The following HAO1 variants were observed in gnomAD, a reference collection of about 807,000 sequenced individuals.
HAO1 encodes hydroxyacid oxidase 1.
Under a neutral mutation model 39.7 loss-of-function variants are expected in HAO1, and 34 were observed. The ratio of observed to expected loss-of-function variants is 0.86; its 90% CI spans 0.65 to 1.14. The LOEUF (loss-of-function observed/expected upper bound fraction) is 1.14. Ranked by LOEUF, HAO1 falls within the 50% of genes most tolerant of loss-of-function variation. The probability of loss-of-function intolerance (pLI) is 0.00; values close to 1 mark genes in which losing one functional copy is unlikely to be tolerated. For missense variants in HAO1, 479 were observed against 464.5 expected (o/e 1.03, Z -0.29); for synonymous variants, 172 against 173.2 (o/e 0.99, Z 0.05).
In HAO1 at chr20:7,934,586, A is replaced by G. The variant is rs1187700434; in HGVS notation, c.187T>C (p.Ser63Pro). The G allele has an allele frequency of 1.2e-6, 2 of 1,609,558 alleles. No individual in the cohort carries two copies. Among genetic ancestry groups the G allele is most frequent in the Admixed American group, 1.7e-5 (1 of 59,994 alleles). ...ACCCTCTGTCCTAAAACAGAAGTCG[A>G]CAGATCTGTTTCAGCAACATTCCGG... ...MLRNVAETDL[S>P]TSVLGQRVSM... Residue 63 changes from serine (S) to proline (P), a missense_variant, in exon 2 of 8, where the codon TCG becomes CCG. Coordinates refer to ENST00000378789, the MANE Select transcript of HAO1 (RefSeq NM_017545.3).
At chr20:7,906,058 T>C (rs1022280403) in intron 4 of HAO1, 96 bp downstream of exon 4, 4 of 857,006 alleles carry the variant, frequency 4.7e-6, no homozygotes, top group Non-Finnish European at 7.8e-6. Context: ...AATTTCCATG[T>C]TAATTTTTCC....
intron 2 of HAO1, among the ~76,000 whole-genome samples, chr20:7,929,778 C>T (rs887180499): frequency 3.3e-5 from 5 of 152,076 alleles, no homozygotes; most frequent in Non-Finnish European, 7.4e-5. Context: ...GCAGGGGAAT[C>T]GCTTGAACCT....
At chr20:7,927,583 CT>C (rs2050365549) in intron 2 of HAO1, among the ~76,000 whole-genome samples, 1 of 152,074 alleles carries the variant, frequency 6.6e-6, no homozygotes, top group African/African-American at 2.4e-5. Context: ...TTTTTTTCCA[CT>C]TTAAAAGACT....
chr20:7,934,821 A>G (rs1358868328), intron 1 of HAO1, among the ~76,000 whole-genome samples, 186 bp from the exon 2 acceptor site: 1 of 152,224 alleles, frequency 6.6e-6, no homozygotes, highest in Non-Finnish European at 1.5e-5. Flanking sequence ...GTTAACAATT[A>G]GAGGATAATG....
intron 3 of HAO1, among the ~76,000 whole-genome samples, chr20:7,911,876 A>G (rs1157488142): frequency 6.6e-6 from 1 of 152,206 alleles, no homozygotes; most frequent in Non-Finnish European, 1.5e-5. Flanking sequence ...GCTATAACAG[A>G]TGAGCTTTTG....
chr20:7,939,684 C>T (rs1443821566), intron 1 of HAO1, among the ~76,000 whole-genome samples: 1 of 152,056 alleles, frequency 6.6e-6, no homozygotes, highest in Non-Finnish European at 1.5e-5. Flanking sequence ...ACCATGTCAC[C>T]CACCATCTTG....
At chr20:7,906,378 G>C (rs6055387) in intron 3 of HAO1, 49 bp from the exon 4 acceptor site, 432,700 of 1,007,936 alleles carry the variant, frequency 0.43, 108,322 homozygotes, top group East Asian at 0.99. Context: ...TTAGAAATAC[G>C]TTTCCAATGA....
At position 7,937,578 on chromosome 20, in the gene HAO1, A is replaced by G. The variant is rs577281587; in HGVS notation, c.137+2708T>C. On this transcript the variant is annotated intron_variant, in intron 1 of 7. Coordinates refer to ENST00000378789, the MANE Select transcript of HAO1 (RefSeq NM_017545.3). ...CAGTCTCAATAGGTAACGCAGCAGA[A>G]AAGAGTTTCCTTTTCTGAAATCATG... 1.1e-4 allele frequency among the ~76,000 whole-genome samples: 16 copies of G among 152,316 alleles called. No individual in the cohort carries two copies. In the East Asian group the frequency reaches 3.1e-3, roughly 29 times the overall value.
chr20:7,927,295 T>C (rs1448842966), intron 2 of HAO1, among the ~76,000 whole-genome samples: 1 of 152,186 alleles, frequency 6.6e-6, no homozygotes, highest in African/African-American at 2.4e-5. Flanking sequence ...GCATTTATGT[T>C]TATTATTGCT....
intron 2 of HAO1, among the ~76,000 whole-genome samples, chr20:7,931,203 T>C (rs1345954631): frequency 6.6e-6 from 1 of 152,154 alleles, no homozygotes; most frequent in Admixed American, 6.5e-5. Flanking sequence ...CCTTCTCCAA[T>C]TCCTCTGCAA....
rs949321787 is a variant in HAO1, at chr20:7,938,061, C to T, written c.137+2225G>A. On this transcript the variant is annotated intron_variant, in intron 1 of 7. Transcript: ENST00000378789. ...GCGAGATGGGGAGGTGTATAAATTTCATAAATGTGTTTGAAATACTCTGGC... is the reference window on the plus strand; with the variant it reads ...GCGAGATGGGGAGGTGTATAAATTTTATAAATGTGTTTGAAATACTCTGGC... Among the ~76,000 whole-genome samples, 5 of 152,134 alleles carry T rather than the reference C, an allele frequency of 3.3e-5. No homozygotes were observed. The East Asian group carries it at 7.7e-4, about 23-fold the overall frequency.
chr20:7,936,558 GC>G (rs2050413004), intron 1 of HAO1, among the ~76,000 whole-genome samples: 1 of 147,686 alleles, frequency 6.8e-6, no homozygotes, highest in Non-Finnish European at 1.5e-5. Flanking sequence ...TCGCGCGCGC[GC>G]GCGCGCGTGC....
Position 7,883,500 on chromosome 20 carries a change from A to G in HAO1, c.*93T>C, listed in dbSNP as rs987564971. On this transcript the variant is annotated 3_prime_UTR_variant, in exon 8 of 8. Coordinates refer to ENST00000378789, the MANE Select transcript of HAO1 (RefSeq NM_017545.3). ...GACACCCTTTGTATTGAAGTGGGGA[A>G]TTACAGACTGTGGTCACCCTCTGCA... The G allele has an allele frequency of 1.1e-6, 1 of 896,294 alleles. No homozygotes were observed. Among genetic ancestry groups the G allele is most frequent in the Non-Finnish European group, 1.9e-6 (1 of 527,974 alleles). 55.5% of individuals were successfully genotyped at this position (896,294 alleles called of 1,614,324 possible). A position where few individuals can be genotyped will look rare whatever the true frequency, so the allele number is the denominator to read the frequency against.
chr20:7,890,380 A>T (rs1339389777), intron 5 of HAO1, among the ~76,000 whole-genome samples: 1 of 151,900 alleles, frequency 6.6e-6, no homozygotes, highest in Non-Finnish European at 1.5e-5. Context: ...TGCCCGGCTA[A>T]TTTTTGTGTA....
intron 2 of HAO1, among the ~76,000 whole-genome samples, chr20:7,927,937 G>A (rs890839223): frequency 2.0e-5 from 3 of 152,124 alleles, no homozygotes; most frequent in Admixed American, 2.0e-4. Context: ...GTTGGAGAAA[G>A]TTTCTCAGGG....
chr20:7,892,818 A>T (rs1205829152), intron 5 of HAO1, among the ~76,000 whole-genome samples: 6 of 152,158 alleles, frequency 3.9e-5, no homozygotes, highest in Admixed American at 3.9e-4. Context: ...CTTAGTAAAT[A>T]TGCATAGATA....
chr20:7,887,356 G>C (rs567681003), intron 5 of HAO1, among the ~76,000 whole-genome samples: 2 of 152,226 alleles, frequency 1.3e-5, no homozygotes, highest in East Asian at 3.9e-4. Flanking sequence ...ATCACTCAGA[G>C]GTTATCCCAC....
Position 7,940,315 on chromosome 20 carries a change from A to ATATTT in HAO1, c.107_108insAAATA (p.Leu37AsnfsTer33). 1 of 1,606,810 alleles carries ATATTT rather than the reference A, an allele frequency of 6.2e-7. No individual in the cohort carries two copies. The highest frequency in any genetic ancestry group is 2.2e-5 in the East Asian group (1 of 44,798). On this transcript the variant is annotated frameshift_variant, in exon 1 of 8. Transcript: ENST00000378789. LOFTEE classifies it high-confidence loss of function. ...AAAATGCTGCAATATTATCAGCCAA[A>ATATTT]GTTTCTTCATCATTTGCCCCAGACC...
intron 5 of HAO1, among the ~76,000 whole-genome samples, chr20:7,888,082 G>A (rs544659926): frequency 3.0e-4 from 45 of 151,972 alleles, no homozygotes; most frequent in African/African-American, 6.8e-4. Context: ...GTGCTTCTTC[G>A]GGCAAGTAAT....
Sources: allele counts gnomAD v4.1 joint callset (sites outside exome capture counted in the v4.1 genomes callset), GRCh38; gene constraint gnomAD v4.1.1; transcripts MANE v1.5; gene names NCBI Gene and HGNC (gene_info 2026-07-23, HGNC 2026-07-21).